Variants in MSH4 observed in about 807,000 individuals in gnomAD.
MSH4 encodes mutS protein homolog 4.
A neutral mutation model predicts 113.7 loss-of-function variants in MSH4; 106 were observed. The ratio of observed to expected loss-of-function variants is 0.93; its 90% CI spans 0.80 to 1.10. The LOEUF (loss-of-function observed/expected upper bound fraction) is 1.10. Ranked by LOEUF, MSH4 falls within the 50% of genes least tolerant of loss-of-function variation. The pLI is 0.00. For synonymous variants in MSH4, 368 were observed against 380.2 expected (o/e 0.97, Z 0.37); for missense variants, 1,061 against 1,093.7 (o/e 0.97, Z 0.42).
intron 19 of MSH4, 135 bp from the exon 20 acceptor site, chr1:75,912,561 T>G: frequency 2.3e-6 from 1 of 431,016 alleles, no homozygotes; most frequent in Non-Finnish European, 3.9e-6. Context: ...AGGAAACTGA[T>G]TTGTTCAAAG....
At chr1:75,839,984 A>G (rs1237751412) in intron 7 of MSH4, among the ~76,000 whole-genome samples, 2 of 146,876 alleles carry the variant, frequency 1.4e-5, no homozygotes, top group Non-Finnish European at 3.0e-5. Flanking sequence ...ATCTCACACC[A>G]GTTAGAATGG....
intron 7 of MSH4, among the ~76,000 whole-genome samples, chr1:75,824,712 C>G (rs1234688675): frequency 1.3e-5 from 2 of 152,128 alleles, no homozygotes; most frequent in African/African-American, 4.8e-5. Flanking sequence ...TTCCTAGCAC[C>G]GTTTATTAAA....
At chr1:75,898,863 A>C (rs530792482) in intron 18 of MSH4, among the ~76,000 whole-genome samples, 5 of 152,306 alleles carry the variant, frequency 3.3e-5, no homozygotes, top group African/African-American at 1.2e-4. Context: ...CAACTGGATT[A>C]CTTATTTATA....
In MSH4 at chr1:75,878,162, C is replaced by T; in HGVS notation, c.1384C>T (p.Leu462Phe). 1 of 1,595,968 alleles carries T rather than the reference C, an allele frequency of 6.3e-7. No individual in the cohort carries two copies. The highest frequency in any genetic ancestry group is 8.5e-7 in the Non-Finnish European group (1 of 1,172,804). Reference protein sequence around the residue: ...SLEDKRFGIILEKIKTVINDD... With the variant: ...SLEDKRFGIIFEKIKTVINDD... ...CCTTAATATTAGGTTTGGAATCATACTTGAAAAGATTAAAACAGTAATTAA... is the reference window on the plus strand; with the variant it reads ...CCTTAATATTAGGTTTGGAATCATATTTGAAAAGATTAAAACAGTAATTAA... The change falls in exon 11 of 20, where the codon CTT (leucine) becomes TTT (phenylalanine). Residue 462 changes from leucine (L) to phenylalanine (F), a missense_variant. By Grantham distance (22) the Leu-to-Phe change is conservative. Transcript: ENST00000263187.
chr1:75,861,669 C>G (rs893754654), intron 8 of MSH4, among the ~76,000 whole-genome samples: 2 of 152,204 alleles, frequency 1.3e-5, no homozygotes, highest in African/African-American at 4.8e-5. Context: ...CGCCTGTATG[C>G]GGTGTCTGTT....
At position 75,834,412 on chromosome 1, in the gene MSH4, G is replaced by C. The variant is rs557909687; in HGVS notation, c.1162+11831G>C. Among the ~76,000 whole-genome samples, 12 of 152,218 alleles carry C rather than the reference G, an allele frequency of 7.9e-5. No individual in the cohort carries two copies. The East Asian group carries it at 2.1e-3, about 27-fold the overall frequency. On this transcript the variant is annotated intron_variant, in intron 7 of 19. Coordinates refer to ENST00000263187, the MANE Select transcript of MSH4 (RefSeq NM_002440.4). ...CTAGAACTAGAAATACCATTTGACC[G>C]AGCCATCCCATTACTGGGCATATAC...
chr1:75,884,993 A>G (rs201287399), intron 15 of MSH4, among the ~76,000 whole-genome samples: 2,779 of 102,640 alleles, frequency 0.027, 104 homozygotes, highest in African/African-American at 0.091. Flanking sequence ...ATATATGTGT[A>G]TATATATGTG....
In MSH4 at chr1:75,806,776, C is replaced by T. The variant is rs182657886; in HGVS notation, c.428-205C>T. On this transcript the variant is annotated intron_variant, in intron 2 of 19. Coordinates refer to ENST00000263187, the MANE Select transcript of MSH4 (RefSeq NM_002440.4). ...AAATTTTGGGCCAATTTTTCAAGCT[C>T]CACCAAAAAACATATTGAGGTTTTG... 7.0e-4 allele frequency among the ~76,000 whole-genome samples: 107 copies of T among 152,074 alleles called. 1 individual carries two copies. The highest frequency in any genetic ancestry group is 2.4e-3 in the African/African-American group (100 of 41,486).
intron 7 of MSH4, among the ~76,000 whole-genome samples, chr1:75,844,124 T>C (rs1456111844): frequency 6.6e-6 from 1 of 152,000 alleles, no homozygotes; most frequent in Non-Finnish European, 1.5e-5. Context: ...ATTTTGTGTT[T>C]TAAGGGATAA....
chr1:75,906,253 A>G (rs1571002327), intron 19 of MSH4, among the ~76,000 whole-genome samples: 1 of 149,750 alleles, frequency 6.7e-6, no homozygotes, highest in Non-Finnish European at 1.5e-5. Context: ...ATCCATTTAG[A>G]CACTCTTATG....
chr1:75,887,804 ATGTTTT>A (rs1188118937), intron 15 of MSH4, among the ~76,000 whole-genome samples: 1 of 151,944 alleles, frequency 6.6e-6, no homozygotes, highest in Non-Finnish European at 1.5e-5. Flanking sequence ...CAGTTTGTTT[ATGTTTT>A]TGTTTTTGTT....
intron 7 of MSH4, among the ~76,000 whole-genome samples, chr1:75,833,173 C>A: frequency 6.6e-6 from 1 of 152,262 alleles, no homozygotes; most frequent in Admixed American, 6.5e-5. Flanking sequence ...CATGAGTGAA[C>A]TCCCATTCAC....
chr1:75,812,405 A>G (rs550085792), intron 4 of MSH4, among the ~76,000 whole-genome samples: 2 of 152,202 alleles, frequency 1.3e-5, no homozygotes, highest in Admixed American at 1.3e-4. Flanking sequence ...ATTATAACAA[A>G]AAGTAAGACC....
chr1:75,865,317 T>C (rs890261788), intron 8 of MSH4, among the ~76,000 whole-genome samples: 2 of 152,144 alleles, frequency 1.3e-5, no homozygotes, highest in African/African-American at 4.8e-5. Context: ...TTTCCCTTCA[T>C]AGTTAGTGTT....
intron 12 of MSH4, among the ~76,000 whole-genome samples, chr1:75,879,343 C>G (rs1310718757): frequency 1.3e-5 from 2 of 151,844 alleles, no homozygotes; most frequent in South Asian, 4.2e-4. Context: ...GTTCTGGGAG[C>G]TTGGTGTAAG....
intron 17 of MSH4, among the ~76,000 whole-genome samples, chr1:75,897,343 C>G (rs1221361062): frequency 6.6e-6 from 1 of 152,106 alleles, no homozygotes; most frequent in Non-Finnish European, 1.5e-5. Context: ...GAGCCATTAT[C>G]TTAATCAGTG....
intron 8 of MSH4, among the ~76,000 whole-genome samples, chr1:75,853,414 C>T (rs1239561800): frequency 6.6e-6 from 1 of 151,952 alleles, no homozygotes; most frequent in Non-Finnish European, 1.5e-5. Flanking sequence ...GCAGAAATAC[C>T]ACAGAAGTGA....
chr1:75,817,826 A>G (rs1305690893), intron 6 of MSH4, among the ~76,000 whole-genome samples: 1 of 151,240 alleles, frequency 6.6e-6, no homozygotes, highest in Non-Finnish European at 1.5e-5. Context: ...GATGGGAGAC[A>G]CCCCCCCTCC....
intron 8 of MSH4, among the ~76,000 whole-genome samples, chr1:75,850,317 C>T (rs1651158408): frequency 6.6e-6 from 1 of 152,158 alleles, no homozygotes; most frequent in African/African-American, 2.4e-5. Context: ...CTGAGTAATG[C>T]TTTAGCTGTA....
Sources: gnomAD v4.1 joint callset for allele counts (sites outside exome capture counted in the v4.1 genomes callset) on GRCh38, gnomAD v4.1.1 for gene constraint, MANE v1.5 for transcripts, NCBI Gene and HGNC (gene_info 2026-07-23, HGNC 2026-07-21) for gene names.